WDR55: variants seen among roughly 807,000 people sequenced by gnomAD.
WDR55 encodes the protein WD repeat domain 55.
WDR55 carries 31 observed loss-of-function variants against 34.0 expected under a neutral mutation model. The observed-to-expected ratio is 0.91, with a 90% CI of 0.69 to 1.23. WDR55 has a LOEUF of 1.23. Ranked by LOEUF, WDR55 falls within the 50% of genes most tolerant of loss-of-function variation. WDR55 has a pLI of 0.00. For missense variants in WDR55, 440 were observed against 494.6 expected, an observed-to-expected ratio of 0.89 and a Z score of 1.05; for synonymous variants, 164 against 185.9, an observed-to-expected ratio of 0.88 and a Z score of 0.96.
At chr5:140,668,169 G>A in intron 1 of WDR55, 65 bp from the exon 2 acceptor site, 2 of 1,510,476 alleles carry the variant, frequency 1.3e-6, no homozygotes, top group Non-Finnish European at 1.8e-6. Context: ...TGTCTAGTTG[G>A]TCTCTGCACT....
At chr5:140,668,585 CA>C (rs1757977739) in intron 3 of WDR55, 26 bp from the exon 4 acceptor site, 1 of 1,610,484 alleles carries the variant, frequency 6.2e-7, no homozygotes, top group South Asian at 1.1e-5. Flanking sequence ...AGAGATGCTC[CA>C]AGAAGTTCTA....
chr5:140,668,362 T>C (rs1757972325), intron 2 of WDR55, 28 bp downstream of exon 2: 1 of 1,614,072 alleles, frequency 6.2e-7, no homozygotes, highest in South Asian at 1.1e-5. Flanking sequence ...CAACCAGCAA[T>C]GTGGTGGAAG....
In WDR55 at chr5:140,672,023, G is replaced by T; in HGVS notation, c.*2369G>T. 3.4e-6 allele frequency: 2 copies of T among 580,998 alleles called. No homozygotes were observed. Among genetic ancestry groups the T allele is most frequent in the Non-Finnish European group, 6.1e-6 (2 of 326,284 alleles). 36.0% of individuals were successfully genotyped at this position (580,998 alleles called of 1,614,324 possible). On this transcript the variant is annotated 3_prime_UTR_variant, in exon 7 of 7. Transcript: ENST00000358337. ...CCATCATAATGGCTAATCTTTACTG[G>T]GAAAACTTGCTGTAAGTCAGTCAGT...
rs533708303 is a variant in WDR55, at chr5:140,671,652, A to G, written c.*1998A>G. On this transcript the variant is annotated 3_prime_UTR_variant, in exon 7 of 7. Coordinates refer to ENST00000358337, the MANE Select transcript of WDR55 (RefSeq NM_017706.5). ...AACTGGCTGCCCTCTGGCTGTGGGG[A>G]CCGCAAGAAGGGACCCACAAGCTGC... is the stretch of plus-strand genomic sequence containing the variant. 2.8e-4 allele frequency: 441 copies of G among 1,580,802 alleles called. 3 individuals carry two copies. Among genetic ancestry groups the G allele is most frequent in the Non-Finnish European group, 1.2e-5 (14 of 1,163,694 alleles).
In WDR55 at chr5:140,670,061, A is replaced by C; in HGVS notation, c.*407A>C. On this transcript the variant is annotated 3_prime_UTR_variant, in exon 7 of 7. Transcript: ENST00000358337. ...TTTATATTTTTTGAGACAAGGTCTC[A>C]CTCTGTCACCCAGGCTGGAGTACAG... 5.6e-6 allele frequency: 1 copy of C among 179,928 alleles called. No individual in the cohort carries two copies. Among genetic ancestry groups the C allele is most frequent in the Non-Finnish European group, 1.2e-5 (1 of 85,530 alleles). 11.1% of individuals were successfully genotyped at this position (179,928 alleles called of 1,614,324 possible).
In WDR55 at chr5:140,668,724, A is replaced by T. The variant is rs757898347; in HGVS notation, c.493A>T (p.Arg165Trp). Reference sequence around the variant, plus strand: ...GAAGGAGGGCCCCTTAATGGATATGAGGCAACATGAAGAGTACATCGCAGA... The same window carrying T: ...GAAGGAGGGCCCCTTAATGGATATGTGGCAACATGAAGAGTACATCGCAGA... ...QRKEGPLMDM[R>W]QHEEYIADMA... is the part of the protein sequence containing the mutation. The change falls in exon 4 of 7, where the codon AGG becomes TGG. Residue 165 changes from arginine (R) to tryptophan (W), a missense_variant. Transcript: ENST00000358337. 2.4e-5 allele frequency: 38 copies of T among 1,614,206 alleles called. No homozygotes were observed. Among genetic ancestry groups the T allele is most frequent in the Non-Finnish European group, 3.2e-5 (38 of 1,180,040 alleles).
Position 140,665,982 on chromosome 5 carries a change from T to G in WDR55, c.191+879T>G, listed in dbSNP as rs1003997863. Among the ~76,000 whole-genome samples the G allele has an allele frequency of 2.0e-5, 3 of 147,896 alleles. No homozygotes were observed. The South Asian group carries it at 6.5e-4, about 32-fold the overall frequency. ...TGCCACTGCACTCCAGCTTGGACAATAGAGTGAGACACTCCCTTGATTAAA... is the reference window on the plus strand; with the variant it reads ...TGCCACTGCACTCCAGCTTGGACAAGAGAGTGAGACACTCCCTTGATTAAA... On this transcript the variant is annotated intron_variant, in intron 1 of 6. Coordinates refer to ENST00000358337, the MANE Select transcript of WDR55 (RefSeq NM_017706.5).
rs200389551 is a variant in WDR55 at position 140,671,376 on chromosome 5, G to A, written c.*1722G>A. On this transcript the variant is annotated 3_prime_UTR_variant, in exon 7 of 7. Transcript: ENST00000358337. ...GACTCACTGAGTGCCTGCAGCAGCCGTACAGACACAGCATCCTTGGCCACC... is the reference window on the plus strand; with the variant it reads ...GACTCACTGAGTGCCTGCAGCAGCCATACAGACACAGCATCCTTGGCCACC... 32 of 1,612,758 alleles carry A rather than the reference G, an allele frequency of 2.0e-5. No individual in the cohort carries two copies. Among genetic ancestry groups the A allele is most frequent in the East Asian group, 1.8e-4 (8 of 44,888 alleles).
chr5:140,665,908 G>C (rs998029531), intron 1 of WDR55, among the ~76,000 whole-genome samples: 2 of 151,938 alleles, frequency 1.3e-5, no homozygotes, highest in Admixed American at 1.3e-4. Context: ...GGCTGAGGCA[G>C]AAGAATCACT....
In WDR55 at chr5:140,670,440, C is replaced by G; in HGVS notation, c.*786C>G. ...CTTGGCTCACTGCAACCTCCGCCTC[C>G]CGGGTTCAAGCAATTCTCCTGCCTC... is the stretch of plus-strand genomic sequence containing the variant. On this transcript the variant is annotated 3_prime_UTR_variant, in exon 7 of 7. Coordinates refer to ENST00000358337, the MANE Select transcript of WDR55 (RefSeq NM_017706.5). The G allele has an allele frequency of 6.6e-6, 1 of 151,904 alleles. No individual in the cohort carries two copies. The highest frequency in any genetic ancestry group is 1.9e-4 in the East Asian group (1 of 5,182). 9.4% of individuals were successfully genotyped at this position (151,904 alleles called of 1,614,324 possible). A position where few individuals can be genotyped will look rare whatever the true frequency, so the allele number is the denominator to read the frequency against.
Position 140,672,293 on chromosome 5 carries a change from T to C in WDR55, c.*2639T>C. The C allele has an allele frequency of 1.2e-6, 1 of 808,156 alleles. No individual in the cohort carries two copies. Among genetic ancestry groups the C allele is most frequent in the Non-Finnish European group, 1.9e-6 (1 of 514,598 alleles). The allele number at this position is 808,156 out of a possible 1,614,324, so 50.1% of individuals were successfully genotyped here. A position where few individuals can be genotyped will look rare whatever the true frequency, so the allele number is the denominator to read the frequency against. On this transcript the variant is annotated 3_prime_UTR_variant, in exon 7 of 7. Transcript: ENST00000358337. ...TAGGTAAGCGGTGGTGGTAGCACCATTGGAAGTTTTAAAAATCTGAGATCA... is the reference window on the plus strand; with the variant it reads ...TAGGTAAGCGGTGGTGGTAGCACCACTGGAAGTTTTAAAAATCTGAGATCA...
Position 140,671,805 on chromosome 5 carries a change from A to G in WDR55, c.*2151A>G. On this transcript the variant is annotated 3_prime_UTR_variant, in exon 7 of 7. Transcript: ENST00000358337. ...GTCTAAACCCTGGGCCCAAGCCTCC[A>G]GGTGGTGAGCCCTTTGGAGCTACAC... The G allele has an allele frequency of 1.9e-6, 3 of 1,538,842 alleles. No homozygotes were observed. The highest frequency in any genetic ancestry group is 2.6e-6 in the Non-Finnish European group (3 of 1,135,754).
chr5:140,671,274 C>T lies in WDR55; in HGVS notation c.*1620C>T. ...GGCTCTGCATGCCCATTCAGGGTGC[C>T]TGTGGAGAAAGAATGGAGTCACTGT... On this transcript the variant is annotated 3_prime_UTR_variant, in exon 7 of 7. Coordinates refer to ENST00000358337, the MANE Select transcript of WDR55 (RefSeq NM_017706.5). 3 of 1,612,576 alleles carry T rather than the reference C, an allele frequency of 1.9e-6. No homozygotes were observed. Among genetic ancestry groups the T allele is most frequent in the Non-Finnish European group, 2.5e-6 (3 of 1,179,926 alleles).
At chr5:140,667,806 T>C (rs2149811935) in intron 1 of WDR55, 1 of 159,132 alleles carries the variant, frequency 6.3e-6, no homozygotes, top group Admixed American at 6.1e-5. Context: ...TGTACTGTAA[T>C]TAATTGTGGC....
At chr5:140,665,166 A>C in intron 1 of WDR55, 63 bp downstream of exon 1, 1 of 1,462,454 alleles carries the variant, frequency 6.8e-7, no homozygotes, top group East Asian at 2.3e-5. Flanking sequence ...ACCTGGGAAC[A>C]GGAGAGATGA....
Position 140,669,116 on chromosome 5 carries a change from C to T in WDR55, c.698C>T (p.Thr233Ile). 1 of 1,614,180 alleles carries T rather than the reference C, an allele frequency of 6.2e-7. No individual in the cohort carries two copies. Among genetic ancestry groups the T allele is most frequent in the Non-Finnish European group, 8.5e-7 (1 of 1,180,036 alleles). Residue 233 changes from threonine (T) to isoleucine (I), a missense_variant, in exon 6 of 7, where the codon ACC (threonine) becomes ATC (isoleucine). Physicochemically the swap from Thr to Ile is moderately conservative, Grantham distance 89. Coordinates refer to ENST00000358337, the MANE Select transcript of WDR55 (RefSeq NM_017706.5). ...GTAGCCTGTGGCTCCAGTGAAGGTA[C>T]CATCTACCTCTTCAATTGGAATGGC... Reference protein sequence around the residue: ...KKVACGSSEGTIYLFNWNGFG... With the variant: ...KKVACGSSEGIIYLFNWNGFG...
At chr5:140,665,955 C>T (rs539047793) in intron 1 of WDR55, among the ~76,000 whole-genome samples, 18 of 151,718 alleles carry the variant, frequency 1.2e-4, no homozygotes, top group Admixed American at 5.3e-4. Context: ...GAGCCAAGAT[C>T]GTGCCACTGC....
Position 140,672,083 on chromosome 5 carries a change from T to G in WDR55, c.*2429T>G. The G allele has an allele frequency of 1.8e-6, 1 of 542,834 alleles. No individual in the cohort carries two copies. The highest frequency in any genetic ancestry group is 3.3e-6 in the Non-Finnish European group (1 of 301,862). The allele number at this position is 542,834 out of a possible 1,614,324, so 33.6% of individuals were successfully genotyped here. ...ACCGTACACCCATTATGTTACTTAA[T>G]TCTCATAACAGTCTGAGGAAACAGA... is the stretch of plus-strand genomic sequence containing the variant. On this transcript the variant is annotated 3_prime_UTR_variant, in exon 7 of 7. Transcript: ENST00000358337.
Position 140,668,976 on chromosome 5 carries a change from G to A in WDR55, c.646G>A (p.Val216Ile), listed in dbSNP as rs1757992059. ...SEPQSGDLTS[V>I]TLMKWGKKVA... is the part of the protein sequence containing the mutation. Reference sequence around the variant, plus strand: ...ACCTCAGTCTGGGGACCTGACCTCTGTCACTCTCATGAAAGTACAGCTGGT... The same window carrying A: ...ACCTCAGTCTGGGGACCTGACCTCTATCACTCTCATGAAAGTACAGCTGGT... The change falls in exon 5 of 7, where the codon GTC becomes ATC. Residue 216 changes from valine to isoleucine, a missense_variant. Physicochemically the swap from Val to Ile is conservative, Grantham distance 29. Coordinates refer to ENST00000358337, the MANE Select transcript of WDR55 (RefSeq NM_017706.5). 6.2e-7 allele frequency: 1 copy of A among 1,614,114 alleles called. No individual in the cohort carries two copies. The highest frequency in any genetic ancestry group is 1.7e-5 in the Admixed American group (1 of 60,006).
Sources: gnomAD v4.1 joint callset for allele counts (sites outside exome capture counted in the v4.1 genomes callset) on GRCh38, gnomAD v4.1.1 for gene constraint, MANE v1.5 for transcripts, NCBI Gene and HGNC (gene_info 2026-07-23, HGNC 2026-07-21) for gene names.